The following TAFA4 variants were observed in gnomAD, a reference collection of about 807,000 sequenced individuals.
TAFA4 encodes the protein chemokine-like protein TAFA-4.
In TAFA4, 20 loss-of-function variants were observed where a neutral mutation model predicts 21.1. That is an observed-to-expected ratio of 0.95 (90% CI 0.67 to 1.38). TAFA4 has a LOEUF of 1.38. Ranked by LOEUF, TAFA4 falls within the 40% of genes most tolerant of loss-of-function variation. The pLI is 0.00. For missense variants in TAFA4, 211 were observed against 180.9 expected, an observed-to-expected ratio of 1.17 and a Z score of -0.95; for synonymous variants, 71 against 67.4, an observed-to-expected ratio of 1.05 and a Z score of -0.26.
chr3:68,825,096 T>C (rs1211994994), intron 3 of TAFA4, among the ~76,000 whole-genome samples: 1 of 152,182 alleles, frequency 6.6e-6, no homozygotes, highest in Non-Finnish European at 1.5e-5. Context: ...AAGCCCAGCA[T>C]ACATTTGCTA....
intron 3 of TAFA4, among the ~76,000 whole-genome samples, chr3:68,770,635 T>C (rs1412519837): frequency 6.6e-6 from 1 of 152,202 alleles, no homozygotes; most frequent in East Asian, 1.9e-4. Context: ...CTCCAGATTA[T>C]CCTTCATACA....
At chr3:68,838,780 C>T (rs996190029) in intron 3 of TAFA4, among the ~76,000 whole-genome samples, 2 of 151,818 alleles carry the variant, frequency 1.3e-5, no homozygotes, top group African/African-American at 4.8e-5. Flanking sequence ...GTGACAGGGA[C>T]ACAGCAGGGA....
chr3:68,789,357 T>G (rs72925147), intron 3 of TAFA4, among the ~76,000 whole-genome samples: 2 of 152,178 alleles, frequency 1.3e-5, no homozygotes, highest in East Asian at 3.8e-4. Flanking sequence ...CTTCTTTTTA[T>G]GCCTGTATCA....
chr3:68,801,446 C>A (rs1020786095), intron 3 of TAFA4, among the ~76,000 whole-genome samples: 3 of 152,188 alleles, frequency 2.0e-5, no homozygotes, highest in African/African-American at 7.2e-5. Context: ...CAGTGGCTAA[C>A]ATAAAAAGCT....
At chr3:68,834,918 A>T (rs567874612) in intron 3 of TAFA4, among the ~76,000 whole-genome samples, 1 of 152,158 alleles carries the variant, frequency 6.6e-6, no homozygotes, top group Admixed American at 6.5e-5. Flanking sequence ...TTGCCCTCCT[A>T]TGTAAAGTGT....
chr3:68,793,642 C>G (rs1703405323), intron 3 of TAFA4, among the ~76,000 whole-genome samples: 1 of 152,130 alleles, frequency 6.6e-6, no homozygotes, highest in Non-Finnish European at 1.5e-5. Flanking sequence ...AAATTATGAT[C>G]TTTTGTGAAA....
At chr3:68,743,932 C>G (rs1702404763) in intron 4 of TAFA4, among the ~76,000 whole-genome samples, 1 of 152,112 alleles carries the variant, frequency 6.6e-6, no homozygotes, top group African/African-American at 2.4e-5. Flanking sequence ...TCATTCTTGT[C>G]TGAATACCAC....
intron 3 of TAFA4, among the ~76,000 whole-genome samples, chr3:68,803,596 T>C (rs114389312): frequency 0.012 from 1,892 of 152,018 alleles, 15 homozygotes; most frequent in Non-Finnish European, 0.019. Context: ...AAGGGTTGAT[T>C]CTCGTTCTCT....
intron 3 of TAFA4, among the ~76,000 whole-genome samples, chr3:68,850,665 G>C (rs1259669103): frequency 6.6e-6 from 1 of 151,718 alleles, no homozygotes. Context: ...TTTTTTTCAT[G>C]TTTGTTAGCT....
intron 3 of TAFA4, among the ~76,000 whole-genome samples, chr3:68,804,030 C>T (rs921553454): frequency 2.6e-5 from 4 of 151,796 alleles, no homozygotes; most frequent in African/African-American, 9.7e-5. Flanking sequence ...TCAGGTGATC[C>T]ACCTGCCTCA....
intron 3 of TAFA4, among the ~76,000 whole-genome samples, chr3:68,826,488 G>A (rs1040377037): frequency 6.6e-6 from 1 of 151,718 alleles, no homozygotes; most frequent in African/African-American, 2.4e-5. Context: ...CAGGAGAATG[G>A]CGTGAACCCG....
intron 1 of TAFA4, among the ~76,000 whole-genome samples, chr3:68,918,538 T>C (rs1422518177): frequency 1.3e-5 from 2 of 152,188 alleles, no homozygotes; most frequent in Non-Finnish European, 2.9e-5. Context: ...TAAAACTTCA[T>C]TTGATTTTTA....
intron 3 of TAFA4, among the ~76,000 whole-genome samples, chr3:68,827,783 C>T (rs1359619235): frequency 1.3e-5 from 2 of 152,116 alleles, no homozygotes; most frequent in Non-Finnish European, 2.9e-5. Flanking sequence ...TGGATATTAG[C>T]CCTTGTCAGA....
chr3:68,750,147 G>C (rs1433550817), intron 4 of TAFA4, among the ~76,000 whole-genome samples: 1 of 152,126 alleles, frequency 6.6e-6, no homozygotes, highest in Non-Finnish European at 1.5e-5. Flanking sequence ...ATAAAGGAAT[G>C]GTGGCCAGGT....
chr3:68,815,203 T>C (rs547760676), intron 3 of TAFA4, among the ~76,000 whole-genome samples: 2 of 152,164 alleles, frequency 1.3e-5, no homozygotes, highest in South Asian at 2.1e-4. Flanking sequence ...CCTAAAACCA[T>C]AAAAACCCTA....
chr3:68,740,224 A>G (rs17047951), intron 4 of TAFA4, among the ~76,000 whole-genome samples: 3,421 of 152,238 alleles, frequency 0.022, 104 homozygotes, highest in East Asian at 0.068. Flanking sequence ...GCCAGTCACA[A>G]TAGTCTCAGA....
intron 4 of TAFA4, among the ~76,000 whole-genome samples, chr3:68,747,847 A>T (rs1305942556): frequency 6.6e-6 from 1 of 152,170 alleles, no homozygotes; most frequent in Non-Finnish European, 1.5e-5. Flanking sequence ...CAGGAATTAA[A>T]TCCTAAAATT....
At chr3:68,803,657 T>C (rs1703622892) in intron 3 of TAFA4, among the ~76,000 whole-genome samples, 1 of 151,254 alleles carries the variant, frequency 6.6e-6, no homozygotes, top group Non-Finnish European at 1.5e-5. Context: ...TCTCTGACCC[T>C]GTGTTTGTTT....
chr3:68,790,922 T>C (rs931214213), intron 3 of TAFA4, among the ~76,000 whole-genome samples: 1 of 152,286 alleles, frequency 6.6e-6, no homozygotes, highest in Admixed American at 6.5e-5. Flanking sequence ...CCAATGTGTG[T>C]AGTAGGTCAG....
Sources: gnomAD v4.1 joint callset for allele counts (sites outside exome capture counted in the v4.1 genomes callset) on GRCh38, gnomAD v4.1.1 for gene constraint, MANE v1.5 for transcripts, NCBI Gene and HGNC (gene_info 2026-07-23, HGNC 2026-07-21) for gene names.